The following CRMP1 variants were observed in gnomAD, a reference collection of about 807,000 sequenced individuals.
CRMP1 encodes collapsin response mediator protein 1, also known as dihydropyrimidinase-related protein 1.
CRMP1 carries 19 observed loss-of-function variants against 68.3 expected under a neutral mutation model. That is an observed-to-expected ratio of 0.28 (90% confidence interval 0.19 to 0.41). The LOEUF is 0.41. Among genes scored for constraint, CRMP1 ranks in the 10% least tolerant of loss-of-function variants. CRMP1 has a pLI of 1.00. For synonymous variants in CRMP1, 439 were observed against 399.6 expected, an observed-to-expected ratio of 1.10 and a Z score of -1.18; for missense variants, 791 against 967.4, an observed-to-expected ratio of 0.82 and a Z score of 2.42.
Position 5,888,534 on chromosome 4 carries a change from G to A in CRMP1, c.381+4055C>T. 8.6e-7 allele frequency: 1 copy of A among 1,169,196 alleles called. No individual in the cohort carries two copies. Among genetic ancestry groups the A allele is most frequent in the Non-Finnish European group, 1.1e-6 (1 of 947,922 alleles). 72.4% of individuals were successfully genotyped at this position (1,169,196 alleles called of 1,614,324 possible). A position where few individuals can be genotyped will look rare whatever the true frequency, so the allele number is the denominator to read the frequency against. ...GAGGCGAGGGCGGGAGGAGGGGGCT[G>A]CAGACAGCTCCTCCCGGCGGCGCGG... On this transcript the variant is annotated intron_variant, in intron 1 of 13. Transcript: ENST00000324989. This position sits in a 1 kb window ranked among gnomAD's most constrained non-coding sequence, Gnocchi z 6.4.
In CRMP1 at chr4:5,861,137, C is replaced by T; in HGVS notation, c.544G>A (p.Gly182Arg). 2 of 1,614,210 alleles carry T rather than the reference C, an allele frequency of 1.2e-6. No individual in the cohort carries two copies. The highest frequency in any genetic ancestry group is 1.7e-6 in the Non-Finnish European group (2 of 1,180,040). ...IEANGRMVIP[G>R]GIDVNTYLQK... ...AGGTACGTGTTGACATCAATACCTC[C>T]GGGAATAACCATCCGCCCGTTGGCT... Residue 182 changes from glycine (G) to arginine (R), a missense_variant, in exon 3 of 14, where the codon GGA (glycine) becomes AGA (arginine). Around this residue, in one of 3 missense-constraint regions of CRMP1, gnomAD observed 594 missense variants for 763.6 expected, o/e 0.78. Transcript: ENST00000324989. The surrounding 1 kb of genome is among the most constrained non-coding windows in gnomAD (Gnocchi z 6.0).
rs1405841287 is a variant in CRMP1 at position 5,843,383 on chromosome 4, C to T, written c.964-222G>A. ...TAGCCCTGCATGGCTCCATCTGCACCTGCTTTATATTGAATCTCCCGGGAT... is the reference window on the plus strand; with the variant it reads ...TAGCCCTGCATGGCTCCATCTGCACTTGCTTTATATTGAATCTCCCGGGAT... On this transcript the variant is annotated intron_variant, in intron 6 of 13. Transcript: ENST00000324989. The surrounding 1 kb of genome is among the most constrained non-coding windows in gnomAD (Gnocchi z 4.1). 6.6e-6 allele frequency among the ~76,000 whole-genome samples: 1 copy of T among 152,112 alleles called. No individual in the cohort carries two copies. Among genetic ancestry groups the T allele is most frequent in the African/African-American group, 2.4e-5 (1 of 41,412 alleles).
chr4:5,866,672 T>C lies in CRMP1; in HGVS notation c.466A>G (p.Ile156Val), dbSNP rs781402227. 1.2e-6 allele frequency: 2 copies of C among 1,611,856 alleles called. No individual in the cohort carries two copies. Among genetic ancestry groups the C allele is most frequent in the South Asian group, 2.2e-5 (2 of 90,720 alleles). The part of the protein sequence containing the change: ...YADVYLEDGL[I>V]KQIGENLIVP... ...GGTCCGTTTTGATCAACCCACTTGATAAGTCCATCCTCCAGGTAGACGTCA... is the reference window on the plus strand; with the variant it reads ...GGTCCGTTTTGATCAACCCACTTGACAAGTCCATCCTCCAGGTAGACGTCA... The change falls in exon 2 of 14, where the codon ATC becomes GTC. Residue 156 changes from isoleucine (I) to valine (V), a missense_variant. Ile to Val is a conservative substitution (Grantham distance 29). Around this residue, in one of 3 missense-constraint regions of CRMP1, gnomAD observed 594 missense variants for 763.6 expected, o/e 0.78. Coordinates refer to ENST00000324989, the MANE Select transcript of CRMP1 (RefSeq NM_001014809.3). The surrounding 1 kb of genome is among the most constrained non-coding windows in gnomAD (Gnocchi z 5.9).
rs1713277806 is a variant in CRMP1, at chr4:5,858,252, T to C, written c.656-1945A>G. Among the ~76,000 whole-genome samples the C allele has an allele frequency of 6.6e-6, 1 of 152,180 alleles. No homozygotes were observed. The highest frequency in any genetic ancestry group is 1.5e-5 in the Non-Finnish European group (1 of 68,028). On this transcript the variant is annotated intron_variant, in intron 3 of 13. Coordinates refer to ENST00000324989, the MANE Select transcript of CRMP1 (RefSeq NM_001014809.3). The surrounding 1 kb of genome is among the most constrained non-coding windows in gnomAD (Gnocchi z 5.5). ...ATCCCCTACTGTTCACTATGCTTAC[T>C]AATTGGATCCCTTTTCTTTGTGCCA...
At chr4:5,880,072 A>G (rs1715128211) in intron 1 of CRMP1, among the ~76,000 whole-genome samples, 1 of 152,210 alleles carries the variant, frequency 6.6e-6, no homozygotes, top group African/African-American at 2.4e-5. Flanking sequence ...AGTAAGGCAC[A>G]AGGCAGAATC....
intron 1 of CRMP1, chr4:5,887,258 G>T (rs531975669): frequency 1.3e-6 from 1 of 756,684 alleles, no homozygotes; most frequent in Non-Finnish European, 1.6e-6. Context: ...GGTGCCCTGC[G>T]ACTGTCCAGG....
At chr4:5,830,655 T>C (rs1021074135) in intron 11 of CRMP1, among the ~76,000 whole-genome samples, 2 of 152,218 alleles carry the variant, frequency 1.3e-5, no homozygotes, top group Non-Finnish European at 2.9e-5. Context: ...AGTCAGTCTA[T>C]TCCTTGGCTC....
rs200841883 is a variant in CRMP1 at position 5,841,260 on chromosome 4, C to A, written c.1153+48G>T. Reference sequence around the variant, plus strand: ...GTGAACTTGAACCTGCAGGACACCCCCTTCCAGGCCCCAGCTGCCCCCAGA... The same window carrying A: ...GTGAACTTGAACCTGCAGGACACCCACTTCCAGGCCCCAGCTGCCCCCAGA... On this transcript the variant is annotated intron_variant, in intron 8 of 13. Coordinates refer to ENST00000324989, the MANE Select transcript of CRMP1 (RefSeq NM_001014809.3). This position sits in a 1 kb window ranked among gnomAD's most constrained non-coding sequence, Gnocchi z 6.9. The A allele has an allele frequency of 3.7e-6, 6 of 1,613,434 alleles. No homozygotes were observed. The highest frequency in any genetic ancestry group is 4.5e-5 in the East Asian group (2 of 44,848).
Position 5,877,371 on chromosome 4 carries a change from C to T in CRMP1, c.382-10615G>A, listed in dbSNP as rs1293561253. Among the ~76,000 whole-genome samples, 1 of 152,194 alleles carries T rather than the reference C, an allele frequency of 6.6e-6. No homozygotes were observed. Among genetic ancestry groups the T allele is most frequent in the African/African-American group, 2.4e-5 (1 of 41,448 alleles). On this transcript the variant is annotated intron_variant, in intron 1 of 13. Transcript: ENST00000324989. This position sits in a 1 kb window ranked among gnomAD's most constrained non-coding sequence, Gnocchi z 4.3. ...GGTTGCTGCATAAGAGGTTTTATAG[C>T]TCAAATACGTCAAACTTCCATGACT...
At position 5,872,866 on chromosome 4, in the gene CRMP1, C is replaced by T. The variant is rs897567789; in HGVS notation, c.382-6110G>A. Among the ~76,000 whole-genome samples, 3 of 152,178 alleles carry T rather than the reference C, an allele frequency of 2.0e-5. No individual in the cohort carries two copies. Among genetic ancestry groups the T allele is most frequent in the African/African-American group, 2.4e-5 (1 of 41,444 alleles). On this transcript the variant is annotated intron_variant, in intron 1 of 13. Coordinates refer to ENST00000324989, the MANE Select transcript of CRMP1 (RefSeq NM_001014809.3). This position sits in a 1 kb window ranked among gnomAD's most constrained non-coding sequence, Gnocchi z 4.6. ...GTGTCAGCACCACTTAAAAGCAAAA[C>T]GTCCACACTCAGACAGAGGTGGGCT...
rs943575293 is a variant in CRMP1, at chr4:5,877,523, T to G, written c.382-10767A>C. Among the ~76,000 whole-genome samples, 5 of 152,302 alleles carry G rather than the reference T, an allele frequency of 3.3e-5. No homozygotes were observed. Among genetic ancestry groups the G allele is most frequent in the African/African-American group, 1.2e-4 (5 of 41,576 alleles). On this transcript the variant is annotated intron_variant, in intron 1 of 13. Coordinates refer to ENST00000324989, the MANE Select transcript of CRMP1 (RefSeq NM_001014809.3). This position sits in a 1 kb window ranked among gnomAD's most constrained non-coding sequence, Gnocchi z 4.3. ...ATATTTATTCACAGAAACCATCCATTTGCCTTTGATTTTGCCTCCGGGGAC... is the reference window on the plus strand; with the variant it reads ...ATATTTATTCACAGAAACCATCCATGTGCCTTTGATTTTGCCTCCGGGGAC...
chr4:5,853,644 G>A lies in CRMP1; in HGVS notation c.821-2175C>T, dbSNP rs550757183. Among the ~76,000 whole-genome samples, 27 of 152,298 alleles carry A rather than the reference G, an allele frequency of 1.8e-4. No homozygotes were observed. In the South Asian group the frequency reaches 2.1e-3, roughly 12 times the overall value. On this transcript the variant is annotated intron_variant, in intron 4 of 13. Transcript: ENST00000324989. The surrounding 1 kb of genome is among the most constrained non-coding windows in gnomAD (Gnocchi z 4.7). ...ATACCCAGGGGATATCCCCACTCCC[G>A]TGTTCATTGAGGCATTGTTTATAAC...
Position 5,860,124 on chromosome 4 carries a change from A to C in CRMP1, c.655+902T>G, listed in dbSNP as rs1328794692. ...GCCCGCAGTGTTTCCTTCCCTCCCC[A>C]ACCTCACCAGGGCTCTCTGTGGCAC... On this transcript the variant is annotated intron_variant, in intron 3 of 13. Coordinates refer to ENST00000324989, the MANE Select transcript of CRMP1 (RefSeq NM_001014809.3). This position sits in a 1 kb window ranked among gnomAD's most constrained non-coding sequence, Gnocchi z 4.2. 6.6e-6 allele frequency among the ~76,000 whole-genome samples: 1 copy of C among 151,908 alleles called. No individual in the cohort carries two copies. The highest frequency in any genetic ancestry group is 1.9e-4 in the East Asian group (1 of 5,164).
rs373754368 is a variant in CRMP1, at chr4:5,841,437, G to A, written c.1033-9C>T. The stretch of plus-strand genomic sequence containing the variant: ...ACCGCCTCGGCCTCCAGCTGAACAC[G>A]GCACACACAGTGTCACAGGAGGGAA... On this transcript the variant is annotated splice_polypyrimidine_tract_variant and intron_variant, in intron 7 of 13. Transcript: ENST00000324989. This position sits in a 1 kb window ranked among gnomAD's most constrained non-coding sequence, Gnocchi z 6.9. 7.9e-5 allele frequency: 128 copies of A among 1,613,792 alleles called. 1 individual carries two copies. Among genetic ancestry groups the A allele is most frequent in the Middle Eastern group, 6.6e-4 (4 of 6,060 alleles).
At chr4:5,833,663 C>G (rs1004454332) in intron 11 of CRMP1, among the ~76,000 whole-genome samples, 3 of 152,162 alleles carry the variant, frequency 2.0e-5, no homozygotes, top group Non-Finnish European at 4.4e-5. Flanking sequence ...CACGAAGTAA[C>G]TACAAAACAG....
rs937847748 is a variant in CRMP1, at chr4:5,879,806, G to C, written c.381+12783C>G. Among the ~76,000 whole-genome samples the C allele has an allele frequency of 6.6e-6, 1 of 151,358 alleles. No individual in the cohort carries two copies. Among genetic ancestry groups the C allele is most frequent in the East Asian group, 1.9e-4 (1 of 5,172 alleles). The stretch of plus-strand genomic sequence containing the variant: ...GTTTAAGAGGTTCCCAGTAATTAAA[G>C]TTTTATTTGGATTCCTTTTTATTCT... On this transcript the variant is annotated intron_variant, in intron 1 of 13. Coordinates refer to ENST00000324989, the MANE Select transcript of CRMP1 (RefSeq NM_001014809.3). The surrounding 1 kb of genome is among the most constrained non-coding windows in gnomAD (Gnocchi z 4.2).
chr4:5,888,171 C>T lies in CRMP1; in HGVS notation c.381+4418G>A. 8.1e-7 allele frequency: 1 copy of T among 1,236,986 alleles called. No homozygotes were observed. The highest frequency in any genetic ancestry group is 1.0e-6 in the Non-Finnish European group (1 of 988,204). The allele number at this position is 1,236,986 out of a possible 1,614,324, so 76.6% of individuals were successfully genotyped here. A position where few individuals can be genotyped will look rare whatever the true frequency, so the allele number is the denominator to read the frequency against. On this transcript the variant is annotated intron_variant, in intron 1 of 13. Transcript: ENST00000324989. The surrounding 1 kb of genome is among the most constrained non-coding windows in gnomAD (Gnocchi z 6.4). Reference sequence around the variant, plus strand: ...CCCCGTGGATCTGGACCCTGCCGGGCGCCCACTCCCAGCCCACAAAGGCCA... The same window carrying T: ...CCCCGTGGATCTGGACCCTGCCGGGTGCCCACTCCCAGCCCACAAAGGCCA...
At chr4:5,869,682 A>C (rs1354084076) in intron 1 of CRMP1, among the ~76,000 whole-genome samples, 39 of 24,922 alleles carry the variant, frequency 1.6e-3, no homozygotes, top group East Asian at 2.9e-3. Flanking sequence ...AGACTCCGTC[A>C]AAAAAAAAAA....
chr4:5,834,191 CAG>C lies in CRMP1; in HGVS notation c.1623+1722_1623+1723del. ...CTTGTGAAGCAAGGGGCAGCTCCCA[CAG>C]CCAGATGGCGGTAGGAGTGCACACC... On this transcript the variant is annotated intron_variant, in intron 11 of 13. Coordinates refer to ENST00000324989, the MANE Select transcript of CRMP1 (RefSeq NM_001014809.3). The surrounding 1 kb of genome is among the most constrained non-coding windows in gnomAD (Gnocchi z 4.3). Among the ~76,000 whole-genome samples, 1 of 152,240 alleles carries C rather than the reference CAG, an allele frequency of 6.6e-6. No homozygotes were observed. Among genetic ancestry groups the C allele is most frequent in the Admixed American group, 6.5e-5 (1 of 15,286 alleles).
Sources: gnomAD v4.1 joint callset for allele counts (sites outside exome capture counted in the v4.1 genomes callset) on GRCh38, gnomAD v4.1.1 for gene constraint, gnomAD v4.1.1 regional missense constraint, Gnocchi (gnomAD v3.1) non-coding constraint, MANE v1.5 for transcripts, NCBI Gene and HGNC (gene_info 2026-07-23, HGNC 2026-07-21) for gene names.